PRDM16: variants seen among roughly 807,000 people sequenced by gnomAD.
The protein encoded by PRDM16 is histone-lysine N-methyltransferase PRDM16.
Under a neutral mutation model 110.6 loss-of-function variants are expected in PRDM16, and 23 were observed. The ratio of observed to expected loss-of-function variants is 0.21; its 90% CI spans 0.15 to 0.29. The LOEUF (loss-of-function observed/expected upper bound fraction) is 0.29. PRDM16 is among the 10% of genes least tolerant of loss of function. The probability of loss-of-function intolerance (pLI) is 1.00; values close to 1 mark genes in which losing one functional copy is unlikely to be tolerated. For synonymous variants in PRDM16, 799 were observed against 781.8 expected, an observed-to-expected ratio of 1.02 and a Z score of -0.37; for missense variants, 1,615 against 1,794.3, an observed-to-expected ratio of 0.90 and a Z score of 1.81.
intron 1 of PRDM16, among the ~76,000 whole-genome samples, chr1:3,131,422 T>C (rs1280095482): frequency 6.6e-6 from 1 of 152,210 alleles, no homozygotes; most frequent in African/African-American, 2.4e-5. Flanking sequence ...TTTCTCAAGG[T>C]TCCTATCAAA....
At position 3,326,018 on chromosome 1, in the gene PRDM16, C is replaced by G. The variant is rs2483267; in HGVS notation, c.439-59134C>G. On this transcript the variant is annotated intron_variant, in intron 3 of 16. Coordinates refer to ENST00000270722, the MANE Select transcript of PRDM16 (RefSeq NM_022114.4). Reference sequence around the variant, plus strand: ...TTGGCCCCCCTTGGCCATCCTCGACCATCCTTGGCCCTCCTTGGCCATCCT... The same window carrying G: ...TTGGCCCCCCTTGGCCATCCTCGACGATCCTTGGCCCTCCTTGGCCATCCT... 1.0e-4 allele frequency among the ~76,000 whole-genome samples: 12 copies of G among 120,138 alleles called. 2 individuals are homozygous for G. Among genetic ancestry groups the G allele is most frequent in the Non-Finnish European group, 2.0e-4 (12 of 58,982 alleles). 78.8% of individuals were successfully genotyped at this position (120,138 alleles called of 152,430 possible).
intron 3 of PRDM16, among the ~76,000 whole-genome samples, chr1:3,278,058 T>TG (rs1414118576): frequency 2.6e-5 from 4 of 152,236 alleles, no homozygotes; most frequent in African/African-American, 9.6e-5. Flanking sequence ...GAACTGTGTC[T>TG]GGGGTCATTC....
intron 3 of PRDM16, among the ~76,000 whole-genome samples, chr1:3,254,108 C>T (rs1053892794): frequency 6.6e-6 from 1 of 151,962 alleles, no homozygotes; most frequent in Non-Finnish European, 1.5e-5. Flanking sequence ...GGATATTAGC[C>T]CTTTGTCAAA....
chr1:3,232,172 T>A (rs890197427), intron 2 of PRDM16, among the ~76,000 whole-genome samples: 3 of 152,294 alleles, frequency 2.0e-5, no homozygotes, highest in Admixed American at 1.3e-4. Context: ...AAGCTCTTCA[T>A]CTCCCTCTCC....
intron 1 of PRDM16, among the ~76,000 whole-genome samples, chr1:3,139,541 G>A (rs372298141): frequency 3.9e-5 from 6 of 152,268 alleles, no homozygotes; most frequent in Non-Finnish European, 7.3e-5. Flanking sequence ...TGCCGCATCC[G>A]GGGGTGCTCG....
chr1:3,280,674 C>T (rs973334127), intron 3 of PRDM16, among the ~76,000 whole-genome samples: 1 of 152,208 alleles, frequency 6.6e-6, no homozygotes, highest in Non-Finnish European at 1.5e-5. Flanking sequence ...CTAAGACCTT[C>T]TCTGAGGCAT....
At chr1:3,317,068 T>A (rs940560727) in intron 3 of PRDM16, among the ~76,000 whole-genome samples, 15 of 152,130 alleles carry the variant, frequency 9.9e-5, no homozygotes, top group African/African-American at 3.4e-4. Context: ...CAGAAAACAT[T>A]GACACAGTGT....
chr1:3,103,950 G>C (rs940003129), intron 1 of PRDM16, among the ~76,000 whole-genome samples: 10 of 152,326 alleles, frequency 6.6e-5, no homozygotes, highest in Non-Finnish European at 1.5e-4. Context: ...GGACTACCCT[G>C]GGAGTTAACG....
At chr1:3,101,629 C>G (rs951212973) in intron 1 of PRDM16, among the ~76,000 whole-genome samples, 13 of 152,180 alleles carry the variant, frequency 8.5e-5, no homozygotes, top group African/African-American at 3.1e-4. Context: ...CCAGGGCACC[C>G]GTGGGGGTCT....
At position 3,069,565 on chromosome 1, in the gene PRDM16, C is replaced by T. The variant is rs1570188367; in HGVS notation, c.37+269C>T. On this transcript the variant is annotated intron_variant, in intron 1 of 16. Coordinates refer to ENST00000270722, the MANE Select transcript of PRDM16 (RefSeq NM_022114.4). The surrounding 1 kb of genome is among the most constrained non-coding windows in gnomAD (Gnocchi z 6.1). Reference sequence around the variant, plus strand: ...CCCCTCCCCCCCCACCAGTGTCAGGCGCTCGGGCCCGGGAACCCGAGGCGC... The same window carrying T: ...CCCCTCCCCCCCCACCAGTGTCAGGTGCTCGGGCCCGGGAACCCGAGGCGC... Among the ~76,000 whole-genome samples, 2 of 148,946 alleles carry T rather than the reference C, an allele frequency of 1.3e-5. No homozygotes were observed. The highest frequency in any genetic ancestry group is 4.9e-5 in the African/African-American group (2 of 41,046).
chr1:3,315,094 G>A, intron 3 of PRDM16, among the ~76,000 whole-genome samples: 1 of 151,102 alleles, frequency 6.6e-6, no homozygotes, highest in East Asian at 1.9e-4. Context: ...ACCCAACTGG[G>A]AGAGCAGCGA....
At chr1:3,222,289 A>G (rs1639170372) in intron 2 of PRDM16, among the ~76,000 whole-genome samples, 1 of 110,622 alleles carries the variant, frequency 9.0e-6, no homozygotes, top group Non-Finnish European at 1.7e-5. Flanking sequence ...CCTGGGAGGG[A>G]GCGGTGCCCC....
chr1:3,120,445 C>A lies in PRDM16; in HGVS notation c.37+51149C>A, dbSNP rs563459434. Among the ~76,000 whole-genome samples the A allele has an allele frequency of 1.2e-3, 177 of 152,314 alleles. 1 individual carries two copies. Among genetic ancestry groups the A allele is most frequent in the African/African-American group, 4.0e-3 (168 of 41,574 alleles). The stretch of plus-strand genomic sequence containing the variant: ...TGGGAGGACGGGAGGGGCTTTGCTC[C>A]TGAACTCGGGGGTCGTCACACACAA... On this transcript the variant is annotated intron_variant, in intron 1 of 16. Coordinates refer to ENST00000270722, the MANE Select transcript of PRDM16 (RefSeq NM_022114.4).
intron 1 of PRDM16, among the ~76,000 whole-genome samples, chr1:3,154,071 G>A (rs1464852921): frequency 6.6e-6 from 1 of 152,096 alleles, no homozygotes. Flanking sequence ...CCCAATCTGC[G>A]GCCCTTTGTC....
At chr1:3,409,128 CATGT>C (rs61650876) in intron 8 of PRDM16, among the ~76,000 whole-genome samples, 18,694 of 144,148 alleles carry the variant, frequency 0.13, 1,300 homozygotes, top group East Asian at 0.31. Context: ...TGAGTTGATG[CATGT>C]GAGTGTGTGA....
chr1:3,389,665 G>A (rs1390144745), intron 4 of PRDM16, among the ~76,000 whole-genome samples: 1 of 152,248 alleles, frequency 6.6e-6, no homozygotes, highest in Non-Finnish European at 1.5e-5. Context: ...GGAGGCCCCA[G>A]ATCACGGCCA....
In PRDM16 at chr1:3,246,418, A is replaced by AC. The variant is rs1197639185; in HGVS notation, c.438+2287dup. Among the ~76,000 whole-genome samples, 1 of 151,914 alleles carries AC rather than the reference A, an allele frequency of 6.6e-6. No homozygotes were observed. The highest frequency in any genetic ancestry group is 6.5e-5 in the Admixed American group (1 of 15,272). On this transcript the variant is annotated intron_variant, in intron 3 of 16. Transcript: ENST00000270722. This position sits in a 1 kb window ranked among gnomAD's most constrained non-coding sequence, Gnocchi z 5.2. ...AATCAGAGCAGACCCGATGCACGAG[A>AC]CCCCCCACGGCACCGCCGCGACTGC... is the stretch of plus-strand genomic sequence containing the variant.
At chr1:3,074,625 G>C (rs1015272455) in intron 1 of PRDM16, among the ~76,000 whole-genome samples, 5 of 152,188 alleles carry the variant, frequency 3.3e-5, no homozygotes, top group Admixed American at 1.3e-4. Flanking sequence ...CTGTCCCCAA[G>C]GGCAGGCACA....
At chr1:3,232,149 G>A (rs1268536696) in intron 2 of PRDM16, among the ~76,000 whole-genome samples, 1 of 152,182 alleles carries the variant, frequency 6.6e-6, no homozygotes. Flanking sequence ...CATTCCTTAT[G>A]TGAGAGAAAG....
Sources: gnomAD v4.1 joint callset for allele counts (sites outside exome capture counted in the v4.1 genomes callset) on GRCh38, gnomAD v4.1.1 for gene constraint, Gnocchi (gnomAD v3.1) non-coding constraint, MANE v1.5 for transcripts, NCBI Gene and HGNC (gene_info 2026-07-23, HGNC 2026-07-21) for gene names.